TCF20: variants seen among roughly 807,000 people sequenced by gnomAD.
TCF20 encodes the protein SPRE-binding protein.
A neutral mutation model predicts 148.6 loss-of-function variants in TCF20; 3 were observed. That is an observed-to-expected ratio of 0.02 (90% CI 0.01 to 0.05). The LOEUF (loss-of-function observed/expected upper bound fraction) is 0.05, where lower values mean the gene tolerates loss of function less well. Among genes scored for constraint, TCF20 ranks in the 10% least tolerant of loss-of-function variants. The pLI, the probability that TCF20 is intolerant of heterozygous loss-of-function variation, is 1.00. For synonymous variants in TCF20, 1,049 were observed against 909.5 expected, an observed-to-expected ratio of 1.15 and a Z score of -2.76; for missense variants, 2,350 against 2,429.3, an observed-to-expected ratio of 0.97 and a Z score of 0.69.
intron 1 of TCF20, among the ~76,000 whole-genome samples, chr22:42,321,443 G>C (rs1927731148): frequency 6.8e-6 from 1 of 146,168 alleles, no homozygotes. Context: ...CCCATATGCA[G>C]CTCTACACCC....
chr22:42,203,019 G>A (rs1197889867), intron 2 of TCF20, among the ~76,000 whole-genome samples: 1 of 152,216 alleles, frequency 6.6e-6, no homozygotes, highest in Non-Finnish European at 1.5e-5. Context: ...TTTGCTGTTA[G>A]CTCTTTTAAC....
intron 1 of TCF20, among the ~76,000 whole-genome samples, chr22:42,334,840 G>A (rs1479320972): frequency 6.6e-6 from 1 of 152,206 alleles, no homozygotes; most frequent in Non-Finnish European, 1.5e-5. Context: ...CCTCAGTCCT[G>A]TCTGTCCGTC....
intron 1 of TCF20, among the ~76,000 whole-genome samples, chr22:42,254,583 G>A (rs922986630): frequency 6.6e-6 from 1 of 152,194 alleles, no homozygotes; most frequent in African/African-American, 2.4e-5. Flanking sequence ...CTGCCCTAAG[G>A]CAGGACTCTA....
chr22:42,169,088 C>T (rs1220788078), intron 4 of TCF20, among the ~76,000 whole-genome samples: 4 of 151,448 alleles, frequency 2.6e-5, no homozygotes, highest in African/African-American at 4.9e-5. Context: ...CTAGTACTTT[C>T]GGCCCTACTA....
chr22:42,201,879 T>C (rs538178909), intron 2 of TCF20, among the ~76,000 whole-genome samples: 11 of 152,224 alleles, frequency 7.2e-5, no homozygotes, highest in African/African-American at 2.4e-4. Context: ...AGAATGTTAA[T>C]GCTTTTACTT....
At chr22:42,224,171 T>A (rs1231418254) in intron 1 of TCF20, among the ~76,000 whole-genome samples, 1 of 152,130 alleles carries the variant, frequency 6.6e-6, no homozygotes, top group Non-Finnish European at 1.5e-5. Flanking sequence ...GGGATAAATT[T>A]GTAACTATTA....
At chr22:42,162,613 G>A (rs958337621) in intron 5 of TCF20, among the ~76,000 whole-genome samples, 6 of 152,196 alleles carry the variant, frequency 3.9e-5, no homozygotes, top group African/African-American at 1.4e-4. Flanking sequence ...GCCAGAAGTG[G>A]TGGCAGCCTT....
intron 2 of TCF20, among the ~76,000 whole-genome samples, chr22:42,199,133 G>A (rs922282636): frequency 2.0e-5 from 3 of 152,096 alleles, no homozygotes; most frequent in Admixed American, 6.6e-5. Flanking sequence ...ATTCTTCTAC[G>A]AACAGTTCCA....
chr22:42,303,843 G>A (rs532985421), intron 1 of TCF20, among the ~76,000 whole-genome samples: 2 of 151,938 alleles, frequency 1.3e-5, no homozygotes, highest in African/African-American at 4.8e-5. Context: ...GGGACAGGGA[G>A]GGAGGGAGAG....
At chr22:42,304,804 C>A (rs1927404213) in intron 1 of TCF20, among the ~76,000 whole-genome samples, 1 of 151,968 alleles carries the variant, frequency 6.6e-6, no homozygotes, top group African/African-American at 2.4e-5. Context: ...GGGAGGTCCC[C>A]ACTTCAGGGG....
At chr22:42,314,472 G>A (rs576181962) in intron 1 of TCF20, among the ~76,000 whole-genome samples, 4 of 152,208 alleles carry the variant, frequency 2.6e-5, no homozygotes, top group South Asian at 2.1e-4. Context: ...TGCCTCCTGC[G>A]GCAGGCGGGC....
At position 42,210,030 on chromosome 22, in the gene TCF20, C is replaced by A; in HGVS notation, c.5276G>T (p.Gly1759Val). The change falls in exon 2 of 6, where the codon GGC (glycine) becomes GTC (valine). Residue 1759 changes from glycine to valine, a missense_variant. By Grantham distance (109) the Gly-to-Val change is moderately radical. Coordinates refer to ENST00000677622, the MANE Select transcript of TCF20 (RefSeq NM_001378418.1). This position sits in a 1 kb window ranked among gnomAD's most constrained non-coding sequence, Gnocchi z 4.7. The stretch of plus-strand genomic sequence containing the variant: ...CTCCTCCTCAGTGTCCGTCTTGGAG[C>A]CATTAGAAGCACTTTTGTGCCGTAC... Reference protein sequence around the residue: ...VKVRHKSASNGSKTDTEEEEE... With the variant: ...VKVRHKSASNVSKTDTEEEEE... 3 of 1,612,826 alleles carry A rather than the reference C, an allele frequency of 1.9e-6. No individual in the cohort carries two copies. The highest frequency in any genetic ancestry group is 2.5e-6 in the Non-Finnish European group (3 of 1,180,022).
intron 1 of TCF20, among the ~76,000 whole-genome samples, chr22:42,230,261 C>G (rs888610066): frequency 2.6e-5 from 4 of 152,188 alleles, no homozygotes; most frequent in African/African-American, 9.7e-5. Context: ...TACAATGGAG[C>G]TGAAAAACTC....
chr22:42,203,214 G>C (rs1388523398), intron 2 of TCF20, among the ~76,000 whole-genome samples: 1 of 152,064 alleles, frequency 6.6e-6, no homozygotes, highest in Non-Finnish European at 1.5e-5. Flanking sequence ...TTTTGGTAGA[G>C]ACAGGGTTTC....
chr22:42,211,053 C>A lies in TCF20; in HGVS notation c.4253G>T (p.Ser1418Ile), dbSNP rs1920947150. 6.2e-7 allele frequency: 1 copy of A among 1,614,074 alleles called. No individual in the cohort carries two copies. The change falls in exon 2 of 6, where the codon AGT becomes ATT. Residue 1418 changes from serine (S) to isoleucine (I), a missense_variant. By Grantham distance (142) the Ser-to-Ile change is moderately radical. Transcript: ENST00000677622. ...TACGTGCAACTCCTGGTTTGCTGGA[C>A]TGACTAGGTCCGAAGCCACCTCACC... ...RKGEVASDLV[S>I]PANQELHVEK...
At chr22:42,269,906 A>C (rs1330145470) in intron 1 of TCF20, 1 of 152,044 alleles carries the variant, frequency 6.6e-6, no homozygotes, top group Non-Finnish European at 1.5e-5. Context: ...CGTAGCCAAG[A>C]GGCGAGCGCG....
At chr22:42,252,344 G>A (rs548859265) in intron 1 of TCF20, among the ~76,000 whole-genome samples, 12 of 151,476 alleles carry the variant, frequency 7.9e-5, no homozygotes, top group Non-Finnish European at 1.3e-4. Context: ...GCCTAAACCC[G>A]TCTGAAACAA....
chr22:42,227,392 G>A (rs1923010216), intron 1 of TCF20, among the ~76,000 whole-genome samples: 1 of 152,194 alleles, frequency 6.6e-6, no homozygotes, highest in Admixed American at 6.5e-5. Context: ...TACCTCATTT[G>A]CTCCATTATC....
intron 1 of TCF20, among the ~76,000 whole-genome samples, chr22:42,334,972 C>T (rs1210488575): frequency 6.6e-5 from 10 of 152,258 alleles, no homozygotes; most frequent in Admixed American, 5.2e-4. Flanking sequence ...CACCCCATCC[C>T]GTGTCTCAGG....
Sources: allele counts gnomAD v4.1 joint callset (sites outside exome capture counted in the v4.1 genomes callset), GRCh38; gene constraint gnomAD v4.1.1; non-coding constraint Gnocchi (gnomAD v3.1); transcripts MANE v1.5; gene names NCBI Gene and HGNC (gene_info 2026-07-23, HGNC 2026-07-21).